RBFOX1: variants seen among roughly 807,000 people sequenced by gnomAD.
RBFOX1 encodes RNA binding fox-1 homolog 1.
In RBFOX1, 8 loss-of-function variants were observed where a neutral mutation model predicts 57.7. The observed-to-expected ratio is 0.14, with a 90% CI of 0.08 to 0.25. The LOEUF (loss-of-function observed/expected upper bound fraction) is 0.25. RBFOX1 is among the 10% of genes least tolerant of loss of function. RBFOX1 has a pLI of 1.00. For missense variants in RBFOX1, 611 were observed against 548.5 expected (o/e 1.11, Z -1.14); for synonymous variants, 326 against 222.4 (o/e 1.47, Z -4.15).
chr16:6,240,173 C>T (rs1232810278), intron 1 of RBFOX1, among the ~76,000 whole-genome samples: 1 of 152,162 alleles, frequency 6.6e-6, no homozygotes. Context: ...TTCCCAGAAG[C>T]CAAACAGATG....
chr16:5,687,305 G>A (rs1030597698), intron 3 of RBFOX1, among the ~76,000 whole-genome samples: 13 of 152,148 alleles, frequency 8.5e-5, no homozygotes, highest in African/African-American at 3.1e-4. Flanking sequence ...GTGCAGTAGT[G>A]TGTGGACCGA....
chr16:6,993,750 C>A (rs74010434), intron 3 of RBFOX1, among the ~76,000 whole-genome samples: 5,618 of 152,178 alleles, frequency 0.037, 366 homozygotes, highest in African/African-American at 0.13. Flanking sequence ...GCTCCATGGG[C>A]ATGGGGCAGG....
rs139134225 is a variant in RBFOX1 at position 5,504,665 on chromosome 16, C to G, written c.258+37411C>G. On this transcript the variant is annotated intron_variant, in intron 2 of 2. Transcript: ENST00000585867. The stretch of plus-strand genomic sequence containing the variant: ...GAGCAGATGTACTGTCTACCATTTG[C>G]TGAGCATTTGCTAGACACCAGACAC... Among the ~76,000 whole-genome samples the G allele has an allele frequency of 5.9e-5, 9 of 152,328 alleles. No individual in the cohort carries two copies. The East Asian group carries it at 1.7e-3, about 29-fold the overall frequency.
intron 4 of RBFOX1, among the ~76,000 whole-genome samples, chr16:5,965,420 C>T (rs991636830): frequency 4.6e-5 from 7 of 152,178 alleles, no homozygotes; most frequent in East Asian, 3.9e-4. Context: ...TAAATATATA[C>T]GATTTTTATT....
intron 9 of RBFOX1, among the ~76,000 whole-genome samples, chr16:7,602,508 A>G (rs1222134705): frequency 6.6e-6 from 1 of 152,164 alleles, no homozygotes; most frequent in Non-Finnish European, 1.5e-5. Context: ...GGGGACATAC[A>G]CAAACTGCCT....
At chr16:7,162,888 C>T (rs7195328) in intron 4 of RBFOX1, among the ~76,000 whole-genome samples, 1 of 152,018 alleles carries the variant, frequency 6.6e-6, no homozygotes, top group Admixed American at 6.5e-5. Context: ...CCCTGGTCCT[C>T]CTTCCAAATG....
At position 6,495,036 on chromosome 16, in the gene RBFOX1, A is replaced by G. The variant is rs960359997; in HGVS notation, c.-63-159567A>G. 9.2e-5 allele frequency among the ~76,000 whole-genome samples: 14 copies of G among 152,214 alleles called. 1 individual carries two copies. Among genetic ancestry groups the G allele is most frequent in the African/African-American group, 3.4e-4 (14 of 41,462 alleles). ...GTAACTTGCCCAAGATTATACAGTCATCACCACTTAGAGGTAGTCGGTCTG... is the reference window on the plus strand; with the variant it reads ...GTAACTTGCCCAAGATTATACAGTCGTCACCACTTAGAGGTAGTCGGTCTG... On this transcript the variant is annotated intron_variant, in intron 2 of 15. Transcript: ENST00000550418.
intron 4 of RBFOX1, among the ~76,000 whole-genome samples, chr16:7,396,565 T>C (rs1268542563): frequency 6.6e-6 from 1 of 152,178 alleles, no homozygotes; most frequent in Non-Finnish European, 1.5e-5. Flanking sequence ...TGAGTTCTCA[T>C]TCTGGACTTA....
chr16:7,273,183 T>C, intron 4 of RBFOX1, among the ~76,000 whole-genome samples: 1 of 127,434 alleles, frequency 7.8e-6, no homozygotes, highest in South Asian at 3.3e-4. Flanking sequence ...CCTCCCTTCC[T>C]TCCTCCCTTC....
At chr16:7,144,018 C>A (rs1340865443) in intron 4 of RBFOX1, among the ~76,000 whole-genome samples, 1 of 152,044 alleles carries the variant, frequency 6.6e-6, no homozygotes, top group African/African-American at 2.4e-5. Context: ...TAGTTTGGTT[C>A]CTGTGTAGTT....
At chr16:5,290,207 C>T (rs2063499053) in intron 1 of RBFOX1, among the ~76,000 whole-genome samples, 1 of 152,118 alleles carries the variant, frequency 6.6e-6, no homozygotes, top group Non-Finnish European at 1.5e-5. Context: ...ACTAAAAATA[C>T]AAAGATTAGC....
rs532656588 is a variant in RBFOX1, at chr16:7,276,274, C to T, written c.27+224176C>T. 9.9e-5 allele frequency among the ~76,000 whole-genome samples: 15 copies of T among 152,238 alleles called. No homozygotes were observed. In the South Asian group the frequency reaches 1.2e-3, roughly 13 times the overall value. Reference sequence around the variant, plus strand: ...TCATGAAATGGTGATAATTTCCCCACGCCCCATAATGTTCCTCTCCTTCCT... The same window carrying T: ...TCATGAAATGGTGATAATTTCCCCATGCCCCATAATGTTCCTCTCCTTCCT... On this transcript the variant is annotated intron_variant, in intron 4 of 15. Transcript: ENST00000550418.
chr16:7,040,347 ATACT>A (rs1374072111), intron 3 of RBFOX1, among the ~76,000 whole-genome samples: 2 of 152,092 alleles, frequency 1.3e-5, no homozygotes, highest in African/African-American at 4.8e-5. Context: ...CATTAATCAC[ATACT>A]TACTATGTGC....
downstream of RBFOX1, chr16:5,601,630 G>A (rs2047367993): frequency 6.6e-6 from 1 of 152,202 alleles, no homozygotes. Context: ...ATGTCTTGCA[G>A]TTCCACCCAG....
rs572182304 is a variant in RBFOX1, at chr16:6,995,567, A to C, written c.-15-56490A>C. On this transcript the variant is annotated intron_variant, in intron 3 of 15. Transcript: ENST00000550418. ...ATCACCTTAGGTCAGGATCACCAGC[A>C]TGGGCAACACACTGAAACCTTGTCT... 8.5e-5 allele frequency among the ~76,000 whole-genome samples: 13 copies of C among 152,166 alleles called. No individual in the cohort carries two copies. The South Asian group carries it at 2.7e-3, about 32-fold the overall frequency.
At chr16:6,915,780 G>A (rs2073013263) in intron 3 of RBFOX1, among the ~76,000 whole-genome samples, 1 of 152,052 alleles carries the variant, frequency 6.6e-6, no homozygotes, top group African/African-American at 2.4e-5. Context: ...TCAAGCACCT[G>A]TACTCAGGTG....
chr16:5,365,422 C>CT (rs1167825311), intron 1 of RBFOX1, among the ~76,000 whole-genome samples: 1 of 152,212 alleles, frequency 6.6e-6, no homozygotes, highest in Non-Finnish European at 1.5e-5. Flanking sequence ...AATCCCAGCA[C>CT]TTTGGGAGGC....
At chr16:5,576,417 G>A (rs2046459008) in intron 2 of RBFOX1, among the ~76,000 whole-genome samples, 2 of 151,916 alleles carry the variant, frequency 1.3e-5, no homozygotes, top group African/African-American at 4.8e-5. Context: ...CAAGAAGCGT[G>A]GTTTAAAAAA....
chr16:7,107,895 A>G (rs77910678), intron 4 of RBFOX1, among the ~76,000 whole-genome samples: 3,799 of 152,114 alleles, frequency 0.025, 170 homozygotes, highest in African/African-American at 0.087. Context: ...TTGATGCTAA[A>G]CGGTGGAGGG....
Sources: gnomAD v4.1 joint callset for allele counts (sites outside exome capture counted in the v4.1 genomes callset) on GRCh38, gnomAD v4.1.1 for gene constraint, MANE v1.5 for transcripts, NCBI Gene and HGNC (gene_info 2026-07-23, HGNC 2026-07-21) for gene names.